VDR: variants seen among roughly 807,000 people sequenced by gnomAD.
The protein encoded by VDR is vitamin D3 receptor.
VDR carries 19 observed loss-of-function variants against 39.7 expected under a neutral mutation model. That is an observed-to-expected ratio of 0.48 (90% CI 0.33 to 0.70). The LOEUF is 0.70. Among genes scored for constraint, VDR ranks in the 30% least tolerant of loss-of-function variants. The pLI is 0.02. For synonymous variants in VDR, 242 were observed against 215.8 expected, an observed-to-expected ratio of 1.12 and a Z score of -1.07; for missense variants, 442 against 570.5, an observed-to-expected ratio of 0.77 and a Z score of 2.29.
At chr12:47,883,526 G>T (rs531674287) in intron 1 of VDR, among the ~76,000 whole-genome samples, 56 of 152,302 alleles carry the variant, frequency 3.7e-4, no homozygotes, top group African/African-American at 1.3e-3. Context: ...GCTGGCTGGG[G>T]GGCCAGCAAG....
intron 1 of VDR, among the ~76,000 whole-genome samples, chr12:47,892,413 T>C (rs1946388063): frequency 6.6e-6 from 1 of 152,190 alleles, no homozygotes; most frequent in South Asian, 2.1e-4. Context: ...CCATTTCTGA[T>C]TAGAATGACT....
chr12:47,865,806 G>A lies in VDR; in HGVS notation c.147-629C>T, dbSNP rs997900470. 2.0e-5 allele frequency among the ~76,000 whole-genome samples: 3 copies of A among 148,634 alleles called. 1 individual carries two copies. The highest frequency in any genetic ancestry group is 1.4e-4 in the Admixed American group (2 of 14,708). On this transcript the variant is annotated intron_variant, in intron 3 of 9. Transcript: ENST00000549336. ...CAGCTCACTGCAAGCTCCACCTCCC[G>A]GGTTCACACCATTCTCCTGCCTCAG...
intron 1 of VDR, chr12:47,896,691 G>C (rs557885972): frequency 6.6e-6 from 1 of 152,264 alleles, no homozygotes; most frequent in East Asian, 1.9e-4. Flanking sequence ...GGCTGTGCAC[G>C]TGGTTTCAAC....
At chr12:47,904,659 C>G (rs1463612668) in intron 1 of VDR, 7 of 1,531,632 alleles carry the variant, frequency 4.6e-6, no homozygotes, top group Non-Finnish European at 6.1e-6. Context: ...AAGAAGGAAA[C>G]AAATACTTCT....
intron 4 of VDR, among the ~76,000 whole-genome samples, chr12:47,861,057 A>G (rs748644871): frequency 2.6e-5 from 4 of 152,214 alleles, no homozygotes; most frequent in Non-Finnish European, 5.9e-5. Flanking sequence ...ACCTTTCTCA[A>G]AGTCACACAG....
intron 7 of VDR, among the ~76,000 whole-genome samples, chr12:47,850,649 G>A (rs915596783): frequency 3.9e-5 from 6 of 152,166 alleles, no homozygotes; most frequent in African/African-American, 1.2e-4. Flanking sequence ...GGATGGTGGC[G>A]TGGTGGGAGT....
At chr12:47,864,004 C>T (rs553676526) in intron 4 of VDR, among the ~76,000 whole-genome samples, 1 of 152,352 alleles carries the variant, frequency 6.6e-6, no homozygotes, top group South Asian at 2.1e-4. Context: ...TCCAAACGGT[C>T]CCATAGCCAG....
At chr12:47,867,017 C>A (rs1467930350) in intron 3 of VDR, among the ~76,000 whole-genome samples, 2 of 150,838 alleles carry the variant, frequency 1.3e-5, no homozygotes, top group Non-Finnish European at 3.0e-5. Flanking sequence ...CAAAACAAAA[C>A]AAAAAAAACC....
At position 47,904,512 on chromosome 12, in the gene VDR, A is replaced by G. The variant is rs11574012; in HGVS notation, c.-84+443T>C. The stretch of plus-strand genomic sequence containing the variant: ...ATTACTTAAAAGACCCAACTCCACC[A>G]TCACAGGTGACCATACCTGGGCCCT... On this transcript the variant is annotated intron_variant, in intron 1 of 9. Transcript: ENST00000549336. 25,772 of 1,335,498 alleles carry G rather than the reference A, an allele frequency of 0.019. 590 individuals are homozygous for G. The highest frequency in any genetic ancestry group is 0.099 in the East Asian group (3,604 of 36,386). 82.7% of individuals were successfully genotyped at this position (1,335,498 alleles called of 1,614,324 possible).
At chr12:47,893,426 G>T (rs4341603) in intron 1 of VDR, among the ~76,000 whole-genome samples, 50,404 of 151,672 alleles carry the variant, frequency 0.33, 9,597 homozygotes, top group African/African-American at 0.53. Flanking sequence ...GAAGGGAGAG[G>T]TAAAGGAGAG....
intron 1 of VDR, among the ~76,000 whole-genome samples, chr12:47,893,120 T>C (rs1946399957): frequency 6.6e-6 from 1 of 152,246 alleles, no homozygotes; most frequent in South Asian, 2.1e-4. Flanking sequence ...TTTTCTCTGC[T>C]TCTTCAAGTT....
chr12:47,871,419 G>T (rs11168271), intron 3 of VDR, among the ~76,000 whole-genome samples: 1 of 132,126 alleles, frequency 7.6e-6, no homozygotes, highest in Non-Finnish European at 1.6e-5. Flanking sequence ...CTATCTGTCT[G>T]TCTATCTGTC....
At chr12:47,856,801 G>T (rs1404100349) in intron 6 of VDR, among the ~76,000 whole-genome samples, 1 of 152,082 alleles carries the variant, frequency 6.6e-6, no homozygotes, top group Non-Finnish European at 1.5e-5. Flanking sequence ...AAGGGCCCAG[G>T]ATTAAAATAT....
At chr12:47,901,922 A>T (rs1256912116) in intron 1 of VDR, among the ~76,000 whole-genome samples, 1 of 152,216 alleles carries the variant, frequency 6.6e-6, no homozygotes, top group Non-Finnish European at 1.5e-5. Flanking sequence ...GTCCCAGGAC[A>T]GGGTGGCCGG....
At position 47,865,170 on chromosome 12, in the gene VDR, T is replaced by G; in HGVS notation, c.154A>C (p.Met52Leu). 1.2e-6 allele frequency: 2 copies of G among 1,611,674 alleles called. No individual in the cohort carries two copies. Among genetic ancestry groups the G allele is most frequent in the Non-Finnish European group, 1.7e-6 (2 of 1,178,972 alleles). The change falls in exon 4 of 10, where the codon ATG becomes CTG. Residue 52 changes from methionine (M) to leucine (L), a missense_variant. Physicochemically the swap from Met to Leu is conservative, Grantham distance 15. Around this residue, in one of 5 missense-constraint regions of VDR, gnomAD observed 141 missense variants for 141.3 expected, o/e 1.00. Coordinates refer to ENST00000549336, the MANE Select transcript of VDR (RefSeq NM_000376.3). Reference protein sequence around the residue: ...EGCKGFFRRSMKRKALFTCPF... With the variant: ...EGCKGFFRRSLKRKALFTCPF... ...CAGGTGAATAGTGCCTTCCGCTTCA[T>G]GCTTCGCCTGCCGAGAGAGCACACA...
At chr12:47,898,289 T>C (rs993109838) in intron 1 of VDR, 23 of 152,190 alleles carry the variant, frequency 1.5e-4, no homozygotes, top group African/African-American at 5.6e-4. Context: ...AATACAACTA[T>C]TATAGCTAAT....
chr12:47,897,937 G>C (rs957360733), intron 1 of VDR, among the ~76,000 whole-genome samples: 3 of 151,666 alleles, frequency 2.0e-5, no homozygotes, highest in Non-Finnish European at 4.4e-5. Context: ...GCAAACTCAT[G>C]GTTCTTATAC....
At chr12:47,859,546 G>A (rs963404790) in intron 4 of VDR, among the ~76,000 whole-genome samples, 2 of 152,162 alleles carry the variant, frequency 1.3e-5, no homozygotes, top group Non-Finnish European at 2.9e-5. Flanking sequence ...CAGTTCTTCA[G>A]TGCCTACATC....
At chr12:47,887,322 C>CAAAAAAAAAAA (rs10686139) in intron 1 of VDR, among the ~76,000 whole-genome samples, 5 of 72,068 alleles carry the variant, frequency 6.9e-5, no homozygotes, top group South Asian at 6.2e-4. Context: ...AACTCCGTCT[C>CAAAAAAAAAAA]AAAAAAAAAA....
Sources: gnomAD v4.1 joint callset for allele counts (sites outside exome capture counted in the v4.1 genomes callset) on GRCh38, gnomAD v4.1.1 for gene constraint, gnomAD v4.1.1 regional missense constraint, MANE v1.5 for transcripts, NCBI Gene and HGNC (gene_info 2026-07-23, HGNC 2026-07-21) for gene names.